The following PTPRD variants were observed in gnomAD, a reference collection of about 807,000 sequenced individuals.
The protein encoded by PTPRD is protein tyrosine phosphatase receptor type D.
Under a neutral mutation model 214.5 loss-of-function variants are expected in PTPRD, and 34 were observed. The observed-to-expected ratio is 0.16, with a 90% confidence interval of 0.12 to 0.21. The LOEUF (loss-of-function observed/expected upper bound fraction) is 0.21. Among genes scored for constraint, PTPRD ranks in the 10% least tolerant of loss-of-function variants. The pLI, the probability that PTPRD is intolerant of heterozygous loss-of-function variation, is 1.00. For missense variants in PTPRD, 2,545 were observed against 2,398.7 expected, an observed-to-expected ratio of 1.06 and a Z score of -1.27; for synonymous variants, 1,128 against 845.7, an observed-to-expected ratio of 1.33 and a Z score of -5.79.
At chr9:10,014,070 T>A (rs374259236) in intron 4 of PTPRD, among the ~76,000 whole-genome samples, 22 of 152,078 alleles carry the variant, frequency 1.4e-4, no homozygotes, top group African/African-American at 4.8e-4. Context: ...GCCCCTATCA[T>A]CCATTTTCAG....
At chr9:8,892,647 G>GTATATATATGAGTGTATATATATGTGTA (rs1165748398) in intron 11 of PTPRD, among the ~76,000 whole-genome samples, 3 of 146,282 alleles carry the variant, frequency 2.1e-5, no homozygotes, top group Non-Finnish European at 3.0e-5. Flanking sequence ...ATATATATGT[G>GTATATATATGAGTGTATATATATGTGTA]TATATATATG....
At chr9:8,387,606 G>A (rs2087618190) in intron 37 of PTPRD, among the ~76,000 whole-genome samples, 1 of 152,206 alleles carries the variant, frequency 6.6e-6, no homozygotes. Flanking sequence ...CAGTTTCACA[G>A]AAGTGTCAAC....
chr9:8,404,264 G>T (rs1247903633), intron 36 of PTPRD, among the ~76,000 whole-genome samples: 2 of 152,178 alleles, frequency 1.3e-5, no homozygotes, highest in East Asian at 1.9e-4. Context: ...GAGTAGCTGG[G>T]ATTACAGGCG....
At chr9:8,561,751 ATT>A (rs35530419) in intron 14 of PTPRD, among the ~76,000 whole-genome samples, 3 of 144,996 alleles carry the variant, frequency 2.1e-5, no homozygotes, top group Admixed American at 6.9e-5. Flanking sequence ...GGATCCTTGG[ATT>A]TTTTTTTTTT....
In PTPRD at chr9:10,095,879, G is replaced by C. The variant is rs149402508; in HGVS notation, c.-544-62089C>G. ...GACATTGAATATATTAAAGCACAAGGGTCATATGTACTTTTTCCTATTAAA... is the reference window on the plus strand; with the variant it reads ...GACATTGAATATATTAAAGCACAAGCGTCATATGTACTTTTTCCTATTAAA... On this transcript the variant is annotated intron_variant, in intron 3 of 45. Coordinates refer to ENST00000381196, the MANE Select transcript of PTPRD (RefSeq NM_002839.4). 3.4e-3 allele frequency among the ~76,000 whole-genome samples: 519 copies of C among 151,466 alleles called. 3 individuals carry two copies. The highest frequency in any genetic ancestry group is 1.0e-2 in the African/African-American group (414 of 41,418).
At chr9:9,037,198 G>C (rs898179812) in intron 10 of PTPRD, among the ~76,000 whole-genome samples, 1 of 152,142 alleles carries the variant, frequency 6.6e-6, no homozygotes, top group African/African-American at 2.4e-5. Context: ...GAATGTGGGA[G>C]TTGGAAAGGA....
chr9:8,722,134 TG>T (rs2098506671), intron 12 of PTPRD, among the ~76,000 whole-genome samples: 1 of 126,342 alleles, frequency 7.9e-6, no homozygotes, highest in African/African-American at 5.1e-5. Flanking sequence ...TGTGTGTGTG[TG>T]TGTGTGTGTG....
intron 10 of PTPRD, among the ~76,000 whole-genome samples, chr9:9,027,793 A>T (rs1460685584): frequency 6.6e-6 from 1 of 151,944 alleles, no homozygotes; most frequent in East Asian, 1.9e-4. Context: ...TACATTTTAC[A>T]TAAGATCTGC....
chr9:8,669,740 G>A (rs922440399), intron 12 of PTPRD, among the ~76,000 whole-genome samples: 9 of 152,288 alleles, frequency 5.9e-5, no homozygotes, highest in African/African-American at 2.2e-4. Flanking sequence ...GGAAAAGTAG[G>A]CTGGAGTCAC....
chr9:9,430,390 A>G (rs1157742698), intron 8 of PTPRD, among the ~76,000 whole-genome samples: 14 of 151,284 alleles, frequency 9.3e-5, no homozygotes, highest in Admixed American at 4.0e-4. Flanking sequence ...CCACTGCTCA[A>G]CAAATTAAAA....
chr9:8,527,404 A>T (rs2074467805), intron 15 of PTPRD, 51 bp from the exon 16 acceptor site: 1 of 1,546,114 alleles, frequency 6.5e-7, no homozygotes, highest in African/African-American at 1.4e-5. Flanking sequence ...ATATTATTAT[A>T]TTCCTTATAA....
At chr9:9,270,871 A>G (rs1022293521) in intron 9 of PTPRD, among the ~76,000 whole-genome samples, 1 of 151,304 alleles carries the variant, frequency 6.6e-6, no homozygotes, top group Non-Finnish European at 1.5e-5. Context: ...CATTAATGGA[A>G]TAGATATCGG....
At chr9:10,590,459 T>C (rs2075145479) in intron 2 of PTPRD, among the ~76,000 whole-genome samples, 2 of 152,004 alleles carry the variant, frequency 1.3e-5, no homozygotes, top group African/African-American at 4.8e-5. Context: ...TGCTCCTTTA[T>C]AGTCAATCTT....
At chr9:10,126,272 T>G (rs1170389751) in intron 3 of PTPRD, among the ~76,000 whole-genome samples, 1 of 152,244 alleles carries the variant, frequency 6.6e-6, no homozygotes. Flanking sequence ...CGACATGGCA[T>G]TTACGTATTG....
At chr9:8,414,582 T>C (rs1475306020) in intron 35 of PTPRD, among the ~76,000 whole-genome samples, 2 of 151,478 alleles carry the variant, frequency 1.3e-5, no homozygotes, top group Non-Finnish European at 2.9e-5. Context: ...TGTGATCAGA[T>C]GGAAGGATAA....
At chr9:10,132,626 G>A (rs2154259460) in intron 3 of PTPRD, among the ~76,000 whole-genome samples, 1 of 152,280 alleles carries the variant, frequency 6.6e-6, no homozygotes, top group East Asian at 1.9e-4. Context: ...GCTATGCTAA[G>A]AATATCTGGA....
At chr9:8,929,891 ATATATATGTGTATATATATGTGTGTG>A (rs2098938499) in intron 11 of PTPRD, among the ~76,000 whole-genome samples, 1 of 79,348 alleles carries the variant, frequency 1.3e-5, no homozygotes, top group Non-Finnish European at 2.4e-5. Flanking sequence ...ATGTGTGTGT[ATATATATGTGTATATATATGTGTGTG>A]TATATATATA....
intron 11 of PTPRD, among the ~76,000 whole-genome samples, chr9:8,737,649 T>G (rs2090787124): frequency 6.6e-6 from 1 of 152,140 alleles, no homozygotes; most frequent in Non-Finnish European, 1.5e-5. Context: ...TTTTTATATG[T>G]TCTGCTCCTT....
chr9:9,434,967 A>G (rs1328578610), intron 8 of PTPRD, among the ~76,000 whole-genome samples: 1 of 151,084 alleles, frequency 6.6e-6, no homozygotes, highest in African/African-American at 2.4e-5. Context: ...CTGTCTCTTC[A>G]TAGAATTCTT....
Sources: allele counts gnomAD v4.1 joint callset (sites outside exome capture counted in the v4.1 genomes callset), GRCh38; gene constraint gnomAD v4.1.1; transcripts MANE v1.5; gene names NCBI Gene and HGNC (gene_info 2026-07-23, HGNC 2026-07-21).